Variants in MYH3 observed in about 807,000 individuals in gnomAD.
MYH3 encodes myosin heavy chain 3, also known as myosin-3.
MYH3 carries 130 observed loss-of-function variants against 238.0 expected under a neutral mutation model. That is an observed-to-expected ratio of 0.55 (90% CI 0.47 to 0.63). The LOEUF (loss-of-function observed/expected upper bound fraction) is 0.63, where lower values mean the gene tolerates loss of function less well. Among genes scored for constraint, MYH3 ranks in the 30% least tolerant of loss-of-function variants. The pLI, the probability that MYH3 is intolerant of heterozygous loss-of-function variation, is 0.00. For missense variants in MYH3, 1,853 were observed against 2,374.9 expected (o/e 0.78, Z 4.57); for synonymous variants, 880 against 924.1 (o/e 0.95, Z 0.86).
At chr17:10,652,294 T>A (rs563046555) in intron 4 of MYH3, 126 bp downstream of exon 4, 10 of 1,224,370 alleles carry the variant, frequency 8.2e-6, no homozygotes, top group Non-Finnish European at 9.5e-6. Flanking sequence ...CGTCTTTGTG[T>A]TTTGTTCATC....
the MYH3 span, among the ~76,000 whole-genome samples, chr17:10,666,718 C>A: frequency 6.6e-6 from 1 of 152,012 alleles, no homozygotes; most frequent in African/African-American, 2.4e-5. Flanking sequence ...GCTACAATCA[C>A]GCCACTGCAG....
At chr17:10,633,871 A>G in intron 32 of MYH3, 146 bp downstream of exon 32, 1 of 1,470,788 alleles carries the variant, frequency 6.8e-7, no homozygotes, top group Non-Finnish European at 9.4e-7. Flanking sequence ...GCTAAAACGT[A>G]ACCCGTCAGA....
At chr17:10,655,551 C>A (rs2074420215) in intron 2 of MYH3, among the ~76,000 whole-genome samples, 1 of 152,222 alleles carries the variant, frequency 6.6e-6, no homozygotes, top group Admixed American at 6.5e-5. Context: ...TATGCGGGAA[C>A]CTGCCTTTTG....
intron 25 of MYH3, 29 bp from the exon 26 acceptor site, chr17:10,638,992 G>A: frequency 6.2e-7 from 1 of 1,614,106 alleles, no homozygotes; most frequent in Non-Finnish European, 8.5e-7. Context: ...AATGCATGAA[G>A]ACAAAATACA....
rs1792675041 is a variant in MYH3, at chr17:10,654,941, C to G, written c.124G>C (p.Asp42His). The change falls in exon 3 of 41, where the codon GAC becomes CAC. Residue 42 changes from aspartate (D) to histidine (H), a missense_variant. Transcript: ENST00000583535. This position sits in a 1 kb window ranked among gnomAD's most constrained non-coding sequence, Gnocchi z 4.5. ...CCCTTGGCATATTCTTCCTTTGAGT[C>G]CACCACGAAGCAATACGTCTTGGCA... ...FDAKTYCFVV[D>H]SKEEYAKGKI... 5.0e-6 allele frequency: 8 copies of G among 1,614,196 alleles called. No individual in the cohort carries two copies. The highest frequency in any genetic ancestry group is 6.8e-6 in the Non-Finnish European group (8 of 1,180,034).
At chr17:10,631,081 C>T (rs777019249) in intron 36 of MYH3, among the ~76,000 whole-genome samples, 17 of 152,184 alleles carry the variant, frequency 1.1e-4, no homozygotes, top group Non-Finnish European at 2.4e-4. Flanking sequence ...TTCATTACCA[C>T]CAATATATAT....
chr17:10,655,841 G>C (rs778349202), intron 2 of MYH3, among the ~76,000 whole-genome samples: 1 of 152,172 alleles, frequency 6.6e-6, no homozygotes, highest in East Asian at 1.9e-4. Context: ...TAGTAGAGAC[G>C]GGGTTTCACC....
chr17:10,659,846 A>G (rs188719510), upstream of MYH3, among the ~76,000 whole-genome samples: 240 of 152,368 alleles, frequency 1.6e-3, 1 homozygote, highest in African/African-American at 4.8e-3. Context: ...CGTCAGGGAT[A>G]GAGGTCAGCT....
intron 30 of MYH3, 57 bp downstream of exon 30, chr17:10,635,310 T>C: frequency 6.2e-7 from 1 of 1,613,582 alleles, no homozygotes; most frequent in Middle Eastern, 1.7e-4. Flanking sequence ...GTAATAAAAA[T>C]AAATTCATCG....
At chr17:10,660,593 T>A (rs1207113769), upstream of MYH3, among the ~76,000 whole-genome samples, 1 of 150,652 alleles carries the variant, frequency 6.6e-6, no homozygotes, top group Non-Finnish European at 1.5e-5. Context: ...AAGAGAATGG[T>A]GTGAACCTGG....
intron 22 of MYH3, 55 bp from the exon 23 acceptor site, chr17:10,639,857 C>T: frequency 6.2e-7 from 1 of 1,608,166 alleles, no homozygotes; most frequent in Non-Finnish European, 8.5e-7. Flanking sequence ...TGCGACATTC[C>T]AGTATTTCAC....
In MYH3 at chr17:10,644,578, T is replaced by C; in HGVS notation, c.1260+6A>G. On this transcript the variant is annotated splice_donor_region_variant and intron_variant, in intron 13 of 40. Transcript: ENST00000583535. ...CTGCACCCTTTCCCGGCCTTGAAGC[T>C]GTTACCTGATCCACAGTTTGACCTT... is the stretch of plus-strand genomic sequence containing the variant. 2 of 1,613,706 alleles carry C rather than the reference T, an allele frequency of 1.2e-6. No homozygotes were observed. Among genetic ancestry groups the C allele is most frequent in the Non-Finnish European group, 1.7e-6 (2 of 1,179,564 alleles).
At chr17:10,660,964 AAC>A (rs2074476416), upstream of MYH3, among the ~76,000 whole-genome samples, 1 of 150,570 alleles carries the variant, frequency 6.6e-6, no homozygotes, top group Non-Finnish European at 1.5e-5. Context: ...CAGCCTGGGC[AAC>A]AGAGTGAGAC....
chr17:10,629,956 G>A lies in MYH3; in HGVS notation c.5563-19C>T. On this transcript the variant is annotated intron_variant, in intron 38 of 40. Transcript: ENST00000583535. ...CTTCACTCTAAGAATGAGAAAGTGG[G>A]AATGTCACTGGAGAGGAGGGGGCAG... 1.2e-6 allele frequency: 2 copies of A among 1,613,386 alleles called. No homozygotes were observed. Among genetic ancestry groups the A allele is most frequent in the African/African-American group, 1.3e-5 (1 of 75,034 alleles).
rs1010296383 is a variant in MYH3 at position 10,630,529 on chromosome 17, A to C, written c.5287-71T>G. The C allele has an allele frequency of 6.3e-6, 10 of 1,598,086 alleles. No homozygotes were observed. The African/African-American group carries it at 8.1e-5, about 13-fold the overall frequency. ...GCCTTGGAACTGTCAAAACCTGGGG[A>C]CCTCGGAGGACCAGAGACCATGCTA... On this transcript the variant is annotated intron_variant, in intron 36 of 40. Coordinates refer to ENST00000583535, the MANE Select transcript of MYH3 (RefSeq NM_002470.4).
chr17:10,631,378 A>G (rs184276339), intron 36 of MYH3, among the ~76,000 whole-genome samples: 70 of 152,284 alleles, frequency 4.6e-4, no homozygotes, highest in Non-Finnish European at 3.4e-4. Flanking sequence ...AAAGACATGC[A>G]CACCTCTCCA....
At position 10,638,303 on chromosome 17, in the gene MYH3, C is replaced by G. The variant is rs202057477; in HGVS notation, c.3469G>C (p.Val1157Leu). Residue 1157 changes from valine (V) to leucine (L), a missense_variant, in exon 27 of 41, where the codon GTC becomes CTC. Val to Leu is a conservative substitution (Grantham distance 32). Transcript: ENST00000583535. ...TTGAGCTCTATCTGCGTGGAGGTGA[C>G]GCCTCCCGCCTCCTCCAGCCGCTCG... is the stretch of plus-strand genomic sequence containing the variant. Reference protein sequence around the residue: ...LSERLEEAGGVTSTQIELNKK... With the variant: ...LSERLEEAGGLTSTQIELNKK... The G allele has an allele frequency of 2.5e-6, 4 of 1,613,056 alleles. No individual in the cohort carries two copies. The South Asian group carries it at 3.3e-5, about 13-fold the overall frequency.
rs1567561254 is a variant in MYH3, at chr17:10,649,690, A to C, written c.534-5T>G. The C allele has an allele frequency of 6.2e-7, 1 of 1,613,256 alleles. No homozygotes were observed. The highest frequency in any genetic ancestry group is 1.1e-5 in the South Asian group (1 of 91,070). ...TTTCCTGCCCCGGATTCTCCGCTGT[A>C]CAGAGTGATCAAAAGAGAGAGAAAG... On this transcript the variant is annotated splice_region_variant and splice_polypyrimidine_tract_variant and intron_variant, in intron 6 of 40. Transcript: ENST00000583535.
At chr17:10,668,388 C>A in the MYH3 span, among the ~76,000 whole-genome samples, 1 of 152,212 alleles carries the variant, frequency 6.6e-6, no homozygotes, top group African/African-American at 2.4e-5. Context: ...GAGGGAGACT[C>A]TTCTATCTAT....
Sources: gnomAD v4.1 joint callset for allele counts (sites outside exome capture counted in the v4.1 genomes callset) on GRCh38, gnomAD v4.1.1 for gene constraint, Gnocchi (gnomAD v3.1) non-coding constraint, MANE v1.5 for transcripts, NCBI Gene and HGNC (gene_info 2026-07-23, HGNC 2026-07-21) for gene names.